GLRA1: variants seen among roughly 807,000 people sequenced by gnomAD.
The protein encoded by GLRA1 is glycine receptor alpha 1.
In GLRA1, 37 loss-of-function variants were observed where a neutral mutation model predicts 48.3. That is an observed-to-expected ratio of 0.77 (90% CI 0.59 to 1.01). GLRA1 has a LOEUF of 1.01. Among genes scored for constraint, GLRA1 ranks in the 50% least tolerant of loss-of-function variants. GLRA1 has a pLI of 0.00. For synonymous variants in GLRA1, 196 were observed against 210.7 expected (o/e 0.93, Z 0.60); for missense variants, 427 against 571.0 (o/e 0.75, Z 2.57).
intron 7 of GLRA1, among the ~76,000 whole-genome samples, chr5:151,832,493 C>T (rs371840249): frequency 5.9e-5 from 9 of 152,068 alleles, no homozygotes; most frequent in African/African-American, 1.9e-4. Context: ...GCAAGAACTT[C>T]GTGAAGCATA....
chr5:151,826,445 G>A (rs1041641066), intron 8 of GLRA1, among the ~76,000 whole-genome samples: 1 of 152,174 alleles, frequency 6.6e-6, no homozygotes, highest in African/African-American at 2.4e-5. Context: ...ACACACTGAT[G>A]AACAGATAAG....
intron 3 of GLRA1, among the ~76,000 whole-genome samples, chr5:151,867,151 T>C (rs942130228): frequency 5.3e-5 from 8 of 151,728 alleles, no homozygotes; most frequent in African/African-American, 1.9e-4. Context: ...ATAAATACTT[T>C]TAACAAATTG....
At chr5:151,828,386 G>C (rs1763333522) in intron 8 of GLRA1, among the ~76,000 whole-genome samples, 1 of 152,182 alleles carries the variant, frequency 6.6e-6, no homozygotes, top group Non-Finnish European at 1.5e-5. Flanking sequence ...TAACTTCTCA[G>C]AGGTGCCCTG....
intron 7 of GLRA1, among the ~76,000 whole-genome samples, chr5:151,836,526 T>C (rs534733943): frequency 5.3e-5 from 8 of 152,288 alleles, no homozygotes; most frequent in African/African-American, 1.9e-4. Flanking sequence ...AGAACAAAGC[T>C]GGAGGCATCA....
intron 7 of GLRA1, chr5:151,850,939 T>C (rs1752889158): frequency 2.0e-6 from 1 of 501,256 alleles, no homozygotes; most frequent in Non-Finnish European, 3.6e-6. Flanking sequence ...AATAAATAAA[T>C]CTTAGCTGCA....
At chr5:151,899,983 A>G (rs1754323065) in intron 1 of GLRA1, among the ~76,000 whole-genome samples, 1 of 152,152 alleles carries the variant, frequency 6.6e-6, no homozygotes, top group Non-Finnish European at 1.5e-5. Context: ...TTGGAGCTGG[A>G]CTAAACCTTA....
intron 2 of GLRA1, among the ~76,000 whole-genome samples, chr5:151,889,532 A>G (rs1213567373): frequency 6.6e-6 from 1 of 152,176 alleles, no homozygotes; most frequent in African/African-American, 2.4e-5. Context: ...TTTCTTTGCC[A>G]TTGTACTCTG....
intron 7 of GLRA1, among the ~76,000 whole-genome samples, chr5:151,845,993 G>C (rs1038315360): frequency 6.6e-6 from 1 of 152,124 alleles, no homozygotes; most frequent in African/African-American, 2.4e-5. Context: ...ATTTATACGA[G>C]ATGTCCAGAA....
chr5:151,919,948 G>A lies in GLRA1; in HGVS notation c.56+4546C>T, dbSNP rs534744992. 1.3e-3 allele frequency among the ~76,000 whole-genome samples: 193 copies of A among 152,364 alleles called. 2 individuals carry two copies. The highest frequency in any genetic ancestry group is 4.3e-3 in the African/African-American group (178 of 41,584). On this transcript the variant is annotated intron_variant, in intron 1 of 8. Transcript: ENST00000274576. The stretch of plus-strand genomic sequence containing the variant: ...ACGCCCACATAAATGTGATGCTGTC[G>A]CAGGACGCGCGAACAGGCTGCCTGG...
At chr5:151,828,045 G>A (rs1010737115) in intron 8 of GLRA1, among the ~76,000 whole-genome samples, 7 of 152,078 alleles carry the variant, frequency 4.6e-5, no homozygotes, top group African/African-American at 1.2e-4. Flanking sequence ...TGGAGCTTGC[G>A]ATTTGGTGGA....
At chr5:151,901,849 T>G (rs1221591826) in intron 1 of GLRA1, among the ~76,000 whole-genome samples, 1 of 152,216 alleles carries the variant, frequency 6.6e-6, no homozygotes, top group Non-Finnish European at 1.5e-5. Flanking sequence ...ATCCCCATTT[T>G]ATAGATGAGG....
At chr5:151,888,079 A>G (rs1481865642) in intron 2 of GLRA1, among the ~76,000 whole-genome samples, 1 of 152,238 alleles carries the variant, frequency 6.6e-6, no homozygotes, top group Non-Finnish European at 1.5e-5. Flanking sequence ...AGGTAGCACC[A>G]AGAGTTTTAG....
At position 151,855,091 on chromosome 5, in the gene GLRA1, T is replaced by C; in HGVS notation, c.646A>G (p.Ile216Val). ...VADGLTLPQFILKEEKDLRYC... is the reference protein window; with the variant it reads ...VADGLTLPQFVLKEEKDLRYC... ...CTCAAGTCCTTCTCTTCCTTCAAGA[T>C]AAACTGGGGCAGAGTTAGTCCATCT... The change falls in exon 6 of 9, where the codon ATC becomes GTC. Residue 216 changes from isoleucine to valine, a missense_variant. Around this residue, in one of 4 missense-constraint regions of GLRA1, gnomAD observed 271 missense variants for 434.9 expected, o/e 0.62. Coordinates refer to ENST00000274576, the MANE Select transcript of GLRA1 (RefSeq NM_000171.4). 6.2e-7 allele frequency: 1 copy of C among 1,614,086 alleles called. No homozygotes were observed. Among genetic ancestry groups the C allele is most frequent in the Non-Finnish European group, 8.5e-7 (1 of 1,179,966 alleles).
intron 6 of GLRA1, among the ~76,000 whole-genome samples, chr5:151,852,092 CA>C (rs1257946588): frequency 6.6e-6 from 1 of 152,170 alleles, no homozygotes; most frequent in African/African-American, 2.4e-5. Flanking sequence ...CCATTACCTA[CA>C]GGAAAAAGTT....
At chr5:151,914,177 T>G (rs77532957) in intron 1 of GLRA1, among the ~76,000 whole-genome samples, 1,559 of 152,308 alleles carry the variant, frequency 0.01, 31 homozygotes, top group African/African-American at 0.036. Context: ...CAATAGGGCT[T>G]GTAGGGACAC....
chr5:151,916,879 C>A (rs1754753543), intron 1 of GLRA1, among the ~76,000 whole-genome samples: 1 of 152,066 alleles, frequency 6.6e-6, no homozygotes, highest in South Asian at 2.1e-4. Flanking sequence ...ACCAGGCCAC[C>A]AGTTTGGGGA....
rs762489154 is a variant in GLRA1 at position 151,859,937 on chromosome 5, G to A, written c.324C>T (p.Asp108=). The A allele has an allele frequency of 7.4e-5, 119 of 1,613,954 alleles. No homozygotes were observed. Among genetic ancestry groups the A allele is most frequent in the East Asian group, 3.3e-4 (15 of 44,900 alleles). Residue 108 remains aspartate (D), a synonymous_variant, in exon 4 of 9, where the codon GAC becomes GAT. Coordinates refer to ENST00000274576, the MANE Select transcript of GLRA1 (RefSeq NM_000171.4). ...TGGATGGGTCCAGGTCCAGAGAGTC[G>A]TCAGGGTATTCATTATAGGCCAGGC... The part of the protein sequence containing the change: ...DPRLAYNEYP[D]DSLDLDPSML...
At chr5:151,914,998 T>G (rs574365666) in intron 1 of GLRA1, among the ~76,000 whole-genome samples, 20 of 152,320 alleles carry the variant, frequency 1.3e-4, no homozygotes, top group African/African-American at 4.6e-4. Flanking sequence ...AAGGAGTGTT[T>G]TCTATAGTCA....
intron 1 of GLRA1, among the ~76,000 whole-genome samples, chr5:151,909,702 C>G (rs1754562093): frequency 6.6e-6 from 1 of 152,076 alleles, no homozygotes; most frequent in South Asian, 2.1e-4. Flanking sequence ...TATAGTGTAT[C>G]TTGTAGACTA....
Sources: allele counts gnomAD v4.1 joint callset (sites outside exome capture counted in the v4.1 genomes callset), GRCh38; gene constraint gnomAD v4.1.1; regional missense constraint gnomAD v4.1.1; transcripts MANE v1.5; gene names NCBI Gene and HGNC (gene_info 2026-07-23, HGNC 2026-07-21).